The following SFMBT2 variants were observed in gnomAD, a reference collection of about 807,000 sequenced individuals.
The protein encoded by SFMBT2 is Scm like with four mbt domains 2.
Under a neutral mutation model 110.1 loss-of-function variants are expected in SFMBT2, and 38 were observed. The observed-to-expected ratio is 0.35, with a 90% confidence interval of 0.27 to 0.45. The LOEUF (loss-of-function observed/expected upper bound fraction) is 0.45, where lower values mean the gene tolerates loss of function less well. Among genes scored for constraint, SFMBT2 ranks in the 20% least tolerant of loss-of-function variants. SFMBT2 has a pLI of 1.00. For synonymous variants in SFMBT2, 425 were observed against 425.4 expected, an observed-to-expected ratio of 1.00 and a Z score of 0.01; for missense variants, 1,011 against 1,094.9, an observed-to-expected ratio of 0.92 and a Z score of 1.08.
chr10:7,402,840 C>T (rs1846115017), intron 1 of SFMBT2, among the ~76,000 whole-genome samples: 1 of 152,226 alleles, frequency 6.6e-6, no homozygotes, highest in Non-Finnish European at 1.5e-5. Context: ...CTAAAGTTCA[C>T]TCTAAAATGT....
At chr10:7,390,580 G>A (rs1046764078) in intron 1 of SFMBT2, among the ~76,000 whole-genome samples, 4 of 151,578 alleles carry the variant, frequency 2.6e-5, no homozygotes, top group African/African-American at 7.3e-5. Context: ...AAATCATTCC[G>A]CCTCAAAAAT....
chr10:7,228,025 C>G lies in SFMBT2; in HGVS notation c.1121-88G>C, dbSNP rs1199521605. On this transcript the variant is annotated intron_variant, in intron 9 of 20. Transcript: ENST00000397167. ...AAATCAGAAGGGGTGAAAGTTTAGG[C>G]TCCCAAAAGATAATGTCCTCTGATG... The G allele has an allele frequency of 3.3e-6, 3 of 916,702 alleles. No individual in the cohort carries two copies. In the Admixed American group the frequency reaches 8.9e-5, roughly 27 times the overall value. The allele number at this position is 916,702 out of a possible 1,614,324, so 56.8% of individuals were successfully genotyped here.
intron 7 of SFMBT2, among the ~76,000 whole-genome samples, chr10:7,272,673 G>A (rs1841630246): frequency 6.6e-6 from 1 of 152,180 alleles, no homozygotes; most frequent in Non-Finnish European, 1.5e-5. Flanking sequence ...AGCCCCAGGT[G>A]GGACATTGGG....
At chr10:7,398,517 T>C (rs1199461644) in intron 1 of SFMBT2, among the ~76,000 whole-genome samples, 3 of 152,238 alleles carry the variant, frequency 2.0e-5, no homozygotes, top group Non-Finnish European at 4.4e-5. Flanking sequence ...TTGTACCAGA[T>C]ATTTACACCC....
At chr10:7,399,263 C>T (rs1327323764) in intron 1 of SFMBT2, among the ~76,000 whole-genome samples, 1 of 151,940 alleles carries the variant, frequency 6.6e-6, no homozygotes, top group Non-Finnish European at 1.5e-5. Context: ...GACGGAGTCT[C>T]GCTCTGTCAC....
chr10:7,318,650 A>G (rs1290902770), intron 4 of SFMBT2, among the ~76,000 whole-genome samples: 1 of 152,270 alleles, frequency 6.6e-6, no homozygotes, highest in Non-Finnish European at 1.5e-5. Context: ...TATCCACTCA[A>G]TCCTTCAGTA....
intron 2 of SFMBT2, among the ~76,000 whole-genome samples, chr10:7,372,214 G>A (rs946241751): frequency 3.3e-5 from 5 of 152,160 alleles, no homozygotes; most frequent in Middle Eastern, 3.4e-3. Flanking sequence ...CGCCACGCCC[G>A]GCCTTCTTGA....
intron 2 of SFMBT2, among the ~76,000 whole-genome samples, chr10:7,378,054 GAT>G (rs1491296698): frequency 9.3e-5 from 14 of 151,050 alleles, no homozygotes; most frequent in South Asian, 2.1e-4. Context: ...TGGATGGATG[GAT>G]GTGAGTGTGT....
chr10:7,222,546 G>C (rs1839776276), intron 10 of SFMBT2, among the ~76,000 whole-genome samples: 1 of 152,158 alleles, frequency 6.6e-6, no homozygotes, highest in Admixed American at 6.5e-5. Context: ...GTATTTAGCA[G>C]TTTCTACTTT....
At chr10:7,341,298 T>TGAATAGCTGTGTTACTGA (rs1287023538) in intron 4 of SFMBT2, among the ~76,000 whole-genome samples, 1 of 152,210 alleles carries the variant, frequency 6.6e-6, no homozygotes, top group Non-Finnish European at 1.5e-5. Context: ...CAGCTACAGC[T>TGAATAGCTGTGTTACTGA]ATTCAGTAAC....
rs781404586 is a variant in SFMBT2, at chr10:7,163,439, G to A, written c.*331C>T. The A allele has an allele frequency of 1.7e-4, 46 of 268,310 alleles. No individual in the cohort carries two copies. The highest frequency in any genetic ancestry group is 3.1e-4 in the Non-Finnish European group (43 of 140,582). The allele number at this position is 268,310 out of a possible 1,614,324, so 16.6% of individuals were successfully genotyped here. On this transcript the variant is annotated 3_prime_UTR_variant, in exon 21 of 21. Transcript: ENST00000397167. The surrounding 1 kb of genome is among the most constrained non-coding windows in gnomAD (Gnocchi z 4.8). The stretch of plus-strand genomic sequence containing the variant: ...ACATTCTTTGTTTTCAAAGAATGCA[G>A]TCCTCATCTGAGGAAACCCTGCTCC...
At chr10:7,255,409 A>G (rs977608274) in intron 7 of SFMBT2, among the ~76,000 whole-genome samples, 12 of 152,246 alleles carry the variant, frequency 7.9e-5, no homozygotes, top group Non-Finnish European at 1.8e-4. Flanking sequence ...TATGCCTGTC[A>G]CATTAAAGAA....
intron 11 of SFMBT2, among the ~76,000 whole-genome samples, chr10:7,219,102 T>C (rs781461060): frequency 2.6e-5 from 4 of 152,246 alleles, no homozygotes; most frequent in Non-Finnish European, 5.9e-5. Flanking sequence ...TGGCTCAGCA[T>C]AGTGTTAGAT....
At chr10:7,184,650 C>A (rs757801550) in intron 16 of SFMBT2, among the ~76,000 whole-genome samples, 2 of 152,038 alleles carry the variant, frequency 1.3e-5, no homozygotes, top group Non-Finnish European at 2.9e-5. Flanking sequence ...TTATAACCAC[C>A]GGCACGGCCC....
chr10:7,264,231 C>T, intron 7 of SFMBT2: 1 of 244,156 alleles, frequency 4.1e-6, no homozygotes, highest in Non-Finnish European at 6.6e-6. Flanking sequence ...CTTAAAGAAA[C>T]CATTTCAGGT....
chr10:7,408,618 C>T lies in SFMBT2; in HGVS notation c.-52+2243G>A, dbSNP rs1386847350. 1 of 152,010 alleles carries T rather than the reference C, an allele frequency of 6.6e-6. No individual in the cohort carries two copies. Among genetic ancestry groups the T allele is most frequent in the East Asian group, 1.9e-4 (1 of 5,146 alleles). The allele number at this position is 152,010 out of a possible 1,614,324, so 9.4% of individuals were successfully genotyped here. On this transcript the variant is annotated intron_variant, in intron 1 of 20. Transcript: ENST00000397167. The surrounding 1 kb of genome is among the most constrained non-coding windows in gnomAD (Gnocchi z 5.7). ...TGTGGCCCCCGCCCACGAGGTCCCT[C>T]GGGCAGGAACCGCCGCGCGACCTCT...
chr10:7,258,098 A>AT (rs1307611264), intron 7 of SFMBT2, among the ~76,000 whole-genome samples: 1 of 151,992 alleles, frequency 6.6e-6, no homozygotes, highest in Non-Finnish European at 1.5e-5. Flanking sequence ...TACCTGGCTA[A>AT]TTTTTTGTAT....
At chr10:7,265,359 G>A (rs898184792) in intron 7 of SFMBT2, among the ~76,000 whole-genome samples, 5 of 151,972 alleles carry the variant, frequency 3.3e-5, no homozygotes, top group South Asian at 4.1e-4. Flanking sequence ...ATGCCACCAC[G>A]CCCGACTAAT....
At chr10:7,184,483 C>G (rs1043431642) in intron 16 of SFMBT2, among the ~76,000 whole-genome samples, 2 of 152,168 alleles carry the variant, frequency 1.3e-5, no homozygotes, top group South Asian at 2.1e-4. Context: ...GTCCATTTAA[C>G]CTTTTTTTCC....
Sources: gnomAD v4.1 joint callset for allele counts (sites outside exome capture counted in the v4.1 genomes callset) on GRCh38, gnomAD v4.1.1 for gene constraint, Gnocchi (gnomAD v3.1) non-coding constraint, MANE v1.5 for transcripts, NCBI Gene and HGNC (gene_info 2026-07-23, HGNC 2026-07-21) for gene names.